The following MARCHF6 variants were observed in gnomAD, a reference collection of about 807,000 sequenced individuals.
MARCHF6 encodes the protein membrane associated ring-CH-type finger 6.
A neutral mutation model predicts 133.7 loss-of-function variants in MARCHF6; 31 were observed. The observed-to-expected ratio is 0.23, with a 90% confidence interval of 0.17 to 0.31. The LOEUF is 0.31. Ranked by LOEUF, MARCHF6 falls within the 10% of genes least tolerant of loss-of-function variation. The pLI is 1.00. For missense variants in MARCHF6, 723 were observed against 1,121.6 expected (o/e 0.64, Z 5.08); for synonymous variants, 395 against 402.5 (o/e 0.98, Z 0.22).
At chr5:10,399,948 C>T (rs1388704248) in intron 10 of MARCHF6, among the ~76,000 whole-genome samples, 1 of 152,098 alleles carries the variant, frequency 6.6e-6, no homozygotes, top group Non-Finnish European at 1.5e-5. Context: ...TCCTTTGTCT[C>T]CCATATTTCT....
Position 10,387,020 on chromosome 5 carries a change from G to A in MARCHF6, c.361G>A (p.Gly121Ser), listed in dbSNP as rs1221904640. The change falls in exon 5 of 26, where the codon GGC (glycine) becomes AGC (serine). Residue 121 changes from glycine (G) to serine (S), a missense_variant. Transcript: ENST00000274140. The stretch of plus-strand genomic sequence containing the variant: ...CCGCATCTACAAGTGCTTGTTTACT[G>A]GCTCCGTGAGCTCACTACTGACGCT... ...ACRIYKCLFT[G>S]SVSSLLTLPL... 6.2e-7 allele frequency: 1 copy of A among 1,613,020 alleles called. No homozygotes were observed. The highest frequency in any genetic ancestry group is 1.3e-5 in the African/African-American group (1 of 74,908).
chr5:10,396,704 G>T (rs577292244), intron 9 of MARCHF6, among the ~76,000 whole-genome samples: 1 of 152,280 alleles, frequency 6.6e-6, no homozygotes, highest in East Asian at 1.9e-4. Context: ...GCAGATAGCT[G>T]TCGCCTTAGA....
chr5:10,400,537 C>T (rs972281984), intron 10 of MARCHF6, among the ~76,000 whole-genome samples: 10 of 151,944 alleles, frequency 6.6e-5, no homozygotes, highest in Admixed American at 1.3e-4. Flanking sequence ...CTTTTTGATG[C>T]TCATATTATC....
chr5:10,406,060 C>T (rs1350348394), intron 16 of MARCHF6, among the ~76,000 whole-genome samples: 1 of 152,126 alleles, frequency 6.6e-6, no homozygotes. Context: ...GCGTTAGATT[C>T]TCATGGGAGC....
intron 6 of MARCHF6, among the ~76,000 whole-genome samples, chr5:10,391,191 G>A (rs1386613775): frequency 6.6e-6 from 1 of 152,142 alleles, no homozygotes; most frequent in Non-Finnish European, 1.5e-5. Context: ...GGAGGGCAGT[G>A]GCATGATCAC....
chr5:10,408,889 A>T (rs757930881), intron 17 of MARCHF6, among the ~76,000 whole-genome samples: 30 of 152,176 alleles, frequency 2.0e-4, no homozygotes, highest in Non-Finnish European at 3.1e-4. Flanking sequence ...TTTTTATAGC[A>T]TTTGTTACAT....
chr5:10,429,279 G>A (rs933551074), intron 24 of MARCHF6, among the ~76,000 whole-genome samples: 4 of 152,040 alleles, frequency 2.6e-5, no homozygotes, highest in African/African-American at 9.7e-5. Context: ...AAAAGTTTGA[G>A]GATTTTTTTA....
intron 1 of MARCHF6, among the ~76,000 whole-genome samples, chr5:10,365,386 C>T (rs1023972137): frequency 3.3e-5 from 5 of 151,518 alleles, no homozygotes; most frequent in Admixed American, 2.0e-4. Context: ...CCGCAACCTC[C>T]GCCTCCCGGG....
intron 24 of MARCHF6, among the ~76,000 whole-genome samples, chr5:10,428,642 C>A (rs1740218244): frequency 6.6e-6 from 1 of 152,136 alleles, no homozygotes; most frequent in Non-Finnish European, 1.5e-5. Context: ...ACACCCAGCG[C>A]ATTGCTTATT....
At chr5:10,399,168 C>T (rs1738365770) in intron 10 of MARCHF6, among the ~76,000 whole-genome samples, 1 of 152,056 alleles carries the variant, frequency 6.6e-6, no homozygotes, top group Admixed American at 6.5e-5. Context: ...AAAACTTGCC[C>T]CTCCCAGGGG....
chr5:10,389,912 C>CTA (rs781541228), intron 5 of MARCHF6, among the ~76,000 whole-genome samples: 1 of 152,146 alleles, frequency 6.6e-6, no homozygotes, highest in Non-Finnish European at 1.5e-5. Flanking sequence ...GATACAGAAA[C>CTA]TCTTAGAGTT....
chr5:10,370,253 AT>A, intron 1 of MARCHF6, among the ~76,000 whole-genome samples: 1 of 151,532 alleles, frequency 6.6e-6, no homozygotes, highest in Non-Finnish European at 1.5e-5. Context: ...AGCAGACGCC[AT>A]CATACCCTGC....
Position 10,435,681 on chromosome 5 carries a change from ATATATATATATATATATT to A in MARCHF6, c.*1999_*2016del, listed in dbSNP as rs1740615921. On this transcript the variant is annotated 3_prime_UTR_variant, in exon 26 of 26. Coordinates refer to ENST00000274140, the MANE Select transcript of MARCHF6 (RefSeq NM_005885.4). ...TATATATATATATATATATATATAT[ATATATATATATATATATT>A]TTTTTTTTTTTTTTTTTTTTTTTTT... 2 of 5,734 alleles carry A rather than the reference ATATATATATATATATATT, an allele frequency of 3.5e-4. No homozygotes were observed. Among genetic ancestry groups the A allele is most frequent in the East Asian group, 7.1e-3 (1 of 140 alleles). 0.4% of individuals were successfully genotyped at this position (5,734 alleles called of 1,614,324 possible).
At chr5:10,404,514 A>ACT (rs1392896175) in intron 15 of MARCHF6, among the ~76,000 whole-genome samples, 3 of 152,194 alleles carry the variant, frequency 2.0e-5, no homozygotes, top group Non-Finnish European at 2.9e-5. Context: ...ACTATACTGC[A>ACT]TTCTGGGGTT....
chr5:10,422,584 C>T (rs1281374054), intron 22 of MARCHF6, among the ~76,000 whole-genome samples: 1 of 152,040 alleles, frequency 6.6e-6, no homozygotes, highest in East Asian at 1.9e-4. Context: ...TTCCTCTACC[C>T]AGACAAAAAA....
At chr5:10,368,224 G>A (rs904969679) in intron 1 of MARCHF6, among the ~76,000 whole-genome samples, 3 of 152,118 alleles carry the variant, frequency 2.0e-5, no homozygotes, top group South Asian at 2.1e-4. Context: ...TGTAATAGTC[G>A]TACTTGCTTC....
At position 10,430,157 on chromosome 5, in the gene MARCHF6, G is replaced by T. The variant is rs542913824; in HGVS notation, c.2642+129G>T. 2.1e-5 allele frequency: 23 copies of T among 1,072,924 alleles called. No homozygotes were observed. In the South Asian group the frequency reaches 2.6e-4, roughly 12 times the overall value. 66.5% of individuals were successfully genotyped at this position (1,072,924 alleles called of 1,614,324 possible). A position where few individuals can be genotyped will look rare whatever the true frequency, so the allele number is the denominator to read the frequency against. On this transcript the variant is annotated intron_variant, in intron 25 of 25. Transcript: ENST00000274140. ...TATACTTGGAGGTGGGATTAGCAAG[G>T]TTTGCTGACAGATTGTGACATGTGA...
intron 1 of MARCHF6, among the ~76,000 whole-genome samples, chr5:10,365,565 T>A (rs1392432503): frequency 6.6e-6 from 1 of 152,152 alleles, no homozygotes; most frequent in Non-Finnish European, 1.5e-5. Flanking sequence ...CTCCTGGGAT[T>A]ACAGGCGTGA....
chr5:10,380,183 G>C (rs1737046467), intron 3 of MARCHF6, among the ~76,000 whole-genome samples: 1 of 151,644 alleles, frequency 6.6e-6, no homozygotes, highest in Non-Finnish European at 1.5e-5. Flanking sequence ...GTGTGTGTGT[G>C]TGTGTGTGTT....
Sources: gnomAD v4.1 joint callset for allele counts (sites outside exome capture counted in the v4.1 genomes callset) on GRCh38, gnomAD v4.1.1 for gene constraint, MANE v1.5 for transcripts, NCBI Gene and HGNC (gene_info 2026-07-23, HGNC 2026-07-21) for gene names.